Variants in SLC35F1 observed in about 807,000 individuals in gnomAD.
SLC35F1 encodes the protein solute carrier family 35 member F1.
Under a neutral mutation model 48.7 loss-of-function variants are expected in SLC35F1, and 14 were observed. The observed-to-expected ratio is 0.29, with a 90% CI of 0.19 to 0.45. The LOEUF (loss-of-function observed/expected upper bound fraction) is 0.45. SLC35F1 is among the 20% of genes least tolerant of loss of function. SLC35F1 has a pLI of 1.00. For missense variants in SLC35F1, 404 were observed against 500.0 expected, an observed-to-expected ratio of 0.81 and a Z score of 1.83; for synonymous variants, 190 against 202.2, an observed-to-expected ratio of 0.94 and a Z score of 0.51.
chr6:118,045,188 T>G (rs1772283347), intron 1 of SLC35F1, among the ~76,000 whole-genome samples: 1 of 152,286 alleles, frequency 6.6e-6, no homozygotes, highest in Admixed American at 6.5e-5. Flanking sequence ...AATGGGTAAA[T>G]TTTTGCAATC....
intron 3 of SLC35F1, among the ~76,000 whole-genome samples, chr6:118,250,039 T>A (rs548485597): frequency 1.3e-5 from 2 of 152,204 alleles, no homozygotes; most frequent in Non-Finnish European, 2.9e-5. Flanking sequence ...TTCAGAGTAA[T>A]AGAAATTATT....
intron 1 of SLC35F1, among the ~76,000 whole-genome samples, chr6:118,043,849 T>A (rs182024013): frequency 4.6e-4 from 70 of 152,350 alleles, no homozygotes; most frequent in Non-Finnish European, 7.9e-4. Flanking sequence ...GTAAATAAAT[T>A]GTTTTTCTCT....
At chr6:118,044,397 C>T (rs1238340036) in intron 1 of SLC35F1, among the ~76,000 whole-genome samples, 3 of 152,132 alleles carry the variant, frequency 2.0e-5, no homozygotes, top group East Asian at 1.9e-4. Context: ...CCTCTCTCTC[C>T]GTTTCTCTGA....
chr6:118,034,510 A>G (rs1772099094), intron 1 of SLC35F1, among the ~76,000 whole-genome samples: 1 of 152,104 alleles, frequency 6.6e-6, no homozygotes, highest in African/African-American at 2.4e-5. Context: ...GTGAGGAGAG[A>G]TTGCGACACT....
chr6:117,947,594 G>T (rs1460608839), intron 1 of SLC35F1, among the ~76,000 whole-genome samples: 1 of 152,098 alleles, frequency 6.6e-6, no homozygotes, highest in Admixed American at 6.6e-5. Context: ...AATAATAAAA[G>T]GTGGTAGGAT....
intron 1 of SLC35F1, among the ~76,000 whole-genome samples, chr6:118,043,898 T>C (rs1168165251): frequency 6.6e-6 from 1 of 152,244 alleles, no homozygotes; most frequent in Non-Finnish European, 1.5e-5. Flanking sequence ...ATCAGGCCTT[T>C]TAGAGGAATC....
chr6:118,091,974 T>C (rs542132478), intron 1 of SLC35F1, among the ~76,000 whole-genome samples: 6 of 152,196 alleles, frequency 3.9e-5, no homozygotes, highest in East Asian at 1.9e-4. Flanking sequence ...TGATTTAGGG[T>C]ATCTGGCAGA....
intron 2 of SLC35F1, among the ~76,000 whole-genome samples, chr6:118,165,122 T>C (rs1774298449): frequency 6.6e-6 from 1 of 152,088 alleles, no homozygotes; most frequent in Admixed American, 6.5e-5. Context: ...TGAGAGATTA[T>C]AAAGGGGAAG....
At chr6:118,309,536 C>T (rs891592165) in intron 7 of SLC35F1, among the ~76,000 whole-genome samples, 1 of 152,132 alleles carries the variant, frequency 6.6e-6, no homozygotes, top group African/African-American at 2.4e-5. Flanking sequence ...CTCTGCTGAC[C>T]TCTGCCATGT....
At chr6:118,231,895 C>T (rs1775297244) in intron 2 of SLC35F1, among the ~76,000 whole-genome samples, 2 of 152,240 alleles carry the variant, frequency 1.3e-5, no homozygotes, top group South Asian at 4.1e-4. Context: ...TTAAATATGC[C>T]ATTGACCTTT....
chr6:118,262,659 T>C (rs1562343364), intron 3 of SLC35F1, among the ~76,000 whole-genome samples: 1 of 152,194 alleles, frequency 6.6e-6, no homozygotes, highest in Non-Finnish European at 1.5e-5. Context: ...CCCTTATTTA[T>C]AGAGTAGATA....
intron 1 of SLC35F1, among the ~76,000 whole-genome samples, chr6:118,010,829 A>G (rs1777235057): frequency 1.3e-5 from 2 of 152,224 alleles, no homozygotes; most frequent in Admixed American, 6.5e-5. Context: ...GCCTACCTCA[A>G]GAATGACACA....
At chr6:118,220,755 T>A (rs1009031629) in intron 2 of SLC35F1, among the ~76,000 whole-genome samples, 1 of 152,160 alleles carries the variant, frequency 6.6e-6, no homozygotes, top group Non-Finnish European at 1.5e-5. Flanking sequence ...ATGGCAGAAA[T>A]CTGATGTAGT....
rs1202199994 is a variant in SLC35F1, at chr6:118,152,889, T to C, written c.174-1556T>C. Among the ~76,000 whole-genome samples the C allele has an allele frequency of 2.6e-5, 4 of 152,350 alleles. No individual in the cohort carries two copies. In the South Asian group the frequency reaches 6.2e-4, roughly 24 times the overall value. ...TTCTGTGGGGAACTATTGTAAGATTTTAAGCAGCATACTGACATTTTAAAC... is the reference window on the plus strand; with the variant it reads ...TTCTGTGGGGAACTATTGTAAGATTCTAAGCAGCATACTGACATTTTAAAC... On this transcript the variant is annotated intron_variant, in intron 1 of 7. Transcript: ENST00000360388.
Position 117,982,925 on chromosome 6 carries a change from ACT to A in SLC35F1, c.173+75031_173+75032del, listed in dbSNP as rs1212241682. 2.6e-5 allele frequency among the ~76,000 whole-genome samples: 4 copies of A among 151,876 alleles called. 1 individual carries two copies. Among genetic ancestry groups the A allele is most frequent in the Non-Finnish European group, 5.9e-5 (4 of 67,970 alleles). On this transcript the variant is annotated intron_variant, in intron 1 of 7. Coordinates refer to ENST00000360388, the MANE Select transcript of SLC35F1 (RefSeq NM_001029858.4). ...CTGATTTTGGGCCATTACCCAGGAG[ACT>A]CTCTACAAATACATTTATTAACCTT...
intron 1 of SLC35F1, among the ~76,000 whole-genome samples, chr6:118,074,240 C>T (rs1423459448): frequency 6.6e-6 from 1 of 152,160 alleles, no homozygotes; most frequent in East Asian, 1.9e-4. Context: ...TCACTACAAC[C>T]TTCTTAAGCT....
intron 1 of SLC35F1, among the ~76,000 whole-genome samples, chr6:118,116,513 T>C (rs1773478350): frequency 6.6e-6 from 1 of 152,176 alleles, no homozygotes. Flanking sequence ...TAAATGTGAA[T>C]TGATTGAATG....
At chr6:118,198,525 C>T (rs1005888007) in intron 2 of SLC35F1, among the ~76,000 whole-genome samples, 1 of 152,072 alleles carries the variant, frequency 6.6e-6, no homozygotes, top group Admixed American at 6.5e-5. Flanking sequence ...CTTATTTATC[C>T]CACTGCAATT....
intron 1 of SLC35F1, among the ~76,000 whole-genome samples, chr6:117,944,475 A>G (rs1432638740): frequency 6.6e-6 from 1 of 152,138 alleles, no homozygotes; most frequent in East Asian, 1.9e-4. Flanking sequence ...AGTTCAAAAT[A>G]TATTGAAAAA....
Sources: gnomAD v4.1 joint callset for allele counts (sites outside exome capture counted in the v4.1 genomes callset) on GRCh38, gnomAD v4.1.1 for gene constraint, MANE v1.5 for transcripts, NCBI Gene and HGNC (gene_info 2026-07-23, HGNC 2026-07-21) for gene names.